The following UHRF2 variants were observed in gnomAD, a reference collection of about 807,000 sequenced individuals.
The protein encoded by UHRF2 is ubiquitin like with PHD and ring finger domains 2, also known as E3 ubiquitin-protein ligase UHRF2.
A neutral mutation model predicts 96.8 loss-of-function variants in UHRF2; 23 were observed. The observed-to-expected ratio is 0.24, with a 90% CI of 0.17 to 0.34. The LOEUF (loss-of-function observed/expected upper bound fraction) is 0.34. Among genes scored for constraint, UHRF2 ranks in the 10% least tolerant of loss-of-function variants. UHRF2 has a pLI of 1.00. For synonymous variants in UHRF2, 385 were observed against 332.6 expected (o/e 1.16, Z -1.72); for missense variants, 685 against 981.5 (o/e 0.70, Z 4.04).
intron 14 of UHRF2, among the ~76,000 whole-genome samples, chr9:6,502,372 TCATATCCTTTA>T (rs1816339607): frequency 6.6e-6 from 1 of 152,202 alleles, no homozygotes; most frequent in Non-Finnish European, 1.5e-5. Context: ...TCTCACTCTT[TCATATCCTTTA>T]AGTCTGTATA....
intron 3 of UHRF2, among the ~76,000 whole-genome samples, chr9:6,447,070 T>C (rs934204125): frequency 4.6e-5 from 7 of 151,920 alleles, no homozygotes; most frequent in African/African-American, 1.7e-4. Context: ...TTTGTATTTT[T>C]AGTAGAGATG....
chr9:6,457,290 A>G (rs1822242003), intron 3 of UHRF2, among the ~76,000 whole-genome samples: 1 of 152,170 alleles, frequency 6.6e-6, no homozygotes, highest in Non-Finnish European at 1.5e-5. Context: ...GAGTTCACTC[A>G]TGATTTGGCT....
At chr9:6,420,591 G>A (rs557926015) in intron 1 of UHRF2, among the ~76,000 whole-genome samples, 83 of 151,804 alleles carry the variant, frequency 5.5e-4, no homozygotes, top group Non-Finnish European at 1.6e-4. Flanking sequence ...TGTAGTCCCA[G>A]CTACTTCAGG....
At chr9:6,497,023 T>G (rs1825012810) in intron 10 of UHRF2, 175 bp from the exon 11 acceptor site, 3 of 618,640 alleles carry the variant, frequency 4.8e-6, no homozygotes, top group Non-Finnish European at 7.8e-6. Context: ...GAAAACTGAT[T>G]TGTCTTCTCT....
intron 2 of UHRF2, among the ~76,000 whole-genome samples, chr9:6,432,863 CAG>C (rs1290854849): frequency 7.3e-5 from 11 of 150,224 alleles, no homozygotes; most frequent in African/African-American, 2.7e-4. Flanking sequence ...CTTTTTGAGA[CAG>C]AGTCTTGCTG....
chr9:6,487,962 C>T (rs188284041), intron 9 of UHRF2, among the ~76,000 whole-genome samples: 4 of 151,914 alleles, frequency 2.6e-5, no homozygotes, highest in East Asian at 3.9e-4. Flanking sequence ...TACAGAGGGC[C>T]GAATCCAGTG....
intron 3 of UHRF2, among the ~76,000 whole-genome samples, chr9:6,439,774 C>T (rs1471052483): frequency 1.3e-5 from 2 of 152,136 alleles, no homozygotes; most frequent in Non-Finnish European, 2.9e-5. Flanking sequence ...TGGGCACATA[C>T]AACTTGGCTG....
intron 3 of UHRF2, among the ~76,000 whole-genome samples, chr9:6,442,904 G>A (rs1338304518): frequency 6.6e-6 from 1 of 152,098 alleles, no homozygotes; most frequent in East Asian, 1.9e-4. Flanking sequence ...TGTACTGTCG[G>A]TCAGTCTTAC....
chr9:6,475,848 T>G (rs968765353), intron 5 of UHRF2, among the ~76,000 whole-genome samples: 3 of 152,206 alleles, frequency 2.0e-5, no homozygotes, highest in African/African-American at 7.2e-5. Flanking sequence ...GGGATATTCA[T>G]CACCTCAAAC....
In UHRF2 at chr9:6,458,062, G is replaced by A. The variant is rs952120283; in HGVS notation, c.645-2511G>A. 1.4e-4 allele frequency among the ~76,000 whole-genome samples: 22 copies of A among 152,242 alleles called. No individual in the cohort carries two copies. The Middle Eastern group carries it at 0.017, about 118-fold the overall frequency. ...GGAGTCCCTCTTTTCCTGTTGTTTG[G>A]AATAGTTTCAGAAGAAATGGTACCC... On this transcript the variant is annotated intron_variant, in intron 3 of 15. Coordinates refer to ENST00000276893, the MANE Select transcript of UHRF2 (RefSeq NM_152896.3).
chr9:6,460,928 T>G, intron 4 of UHRF2, 137 bp downstream of exon 4: 1 of 653,310 alleles, frequency 1.5e-6, no homozygotes, highest in South Asian at 3.1e-5. Flanking sequence ...AAGGAGAATA[T>G]TTTTATAAAT....
Position 6,501,422 on chromosome 9 carries a change from A to G in UHRF2, c.2163+713A>G, listed in dbSNP as rs373432490. Among the ~76,000 whole-genome samples the G allele has an allele frequency of 5.9e-5, 9 of 152,246 alleles. No homozygotes were observed. In the East Asian group the frequency reaches 1.2e-3, roughly 20 times the overall value. On this transcript the variant is annotated intron_variant, in intron 14 of 15. Transcript: ENST00000276893. ...TACTTTTCTGTTTTCTTTCTCTCCA[A>G]AGTGTTGATGTGCCCCCATGTCTGT...
At chr9:6,484,785 CTTTTTTTTTTTTTTT>C (rs34815980) in intron 8 of UHRF2, 2 of 66,278 alleles carry the variant, frequency 3.0e-5, no homozygotes, top group Non-Finnish European at 2.7e-5. Flanking sequence ...TCACTTCTTT[CTTTTTTTTTTTTTTT>C]TTTTTTTTTT....
chr9:6,427,336 T>C (rs1199993362), intron 2 of UHRF2, among the ~76,000 whole-genome samples: 1 of 152,208 alleles, frequency 6.6e-6, no homozygotes, highest in Non-Finnish European at 1.5e-5. Flanking sequence ...AAAAGATGAA[T>C]TTTCAAATTA....
intron 2 of UHRF2, 151 bp from the exon 3 acceptor site, chr9:6,433,763 T>C (rs1232489489): frequency 4.1e-6 from 3 of 737,210 alleles, no homozygotes; most frequent in East Asian, 5.4e-5. Context: ...TCAGAAAGAA[T>C]AGTTTTGATC....
At chr9:6,505,894 C>A in intron 15 of UHRF2, 139 bp from the exon 16 acceptor site, 2 of 824,462 alleles carry the variant, frequency 2.4e-6, no homozygotes, top group Non-Finnish European at 3.7e-6. Flanking sequence ...TTCCATAGTG[C>A]AGATTCAAGC....
intron 14 of UHRF2, among the ~76,000 whole-genome samples, chr9:6,501,327 G>A (rs1028097228): frequency 2.0e-5 from 3 of 152,034 alleles, no homozygotes; most frequent in African/African-American, 7.2e-5. Flanking sequence ...CTCACTTATT[G>A]TGTCTTTAAT....
chr9:6,506,229 A>G lies in UHRF2; in HGVS notation c.*50A>G. On this transcript the variant is annotated 3_prime_UTR_variant, in exon 16 of 16. Coordinates refer to ENST00000276893, the MANE Select transcript of UHRF2 (RefSeq NM_152896.3). ...CATGGTGGCTTTTTGGACAATAAAG[A>G]ATCTAAAATGGGTGGGGAGGGTGGA... is the stretch of plus-strand genomic sequence containing the variant. The G allele has an allele frequency of 3.1e-6, 5 of 1,602,004 alleles. No individual in the cohort carries two copies. Among genetic ancestry groups the G allele is most frequent in the Non-Finnish European group, 4.3e-6 (5 of 1,172,760 alleles).
rs115861657 is a variant in UHRF2, at chr9:6,418,200, C to G, written c.154-2712C>G. Among the ~76,000 whole-genome samples the G allele has an allele frequency of 2.5e-3, 373 of 149,356 alleles. 1 individual carries two copies. The highest frequency in any genetic ancestry group is 0.021 in the Middle Eastern group (6 of 286). On this transcript the variant is annotated intron_variant, in intron 1 of 15. Coordinates refer to ENST00000276893, the MANE Select transcript of UHRF2 (RefSeq NM_152896.3). ...AATGATGGTGTGAATGCAGTGTTTG[C>G]TCCTTGAGTTTTTTGGGGTTTTTTT...
Sources: gnomAD v4.1 joint callset for allele counts (sites outside exome capture counted in the v4.1 genomes callset) on GRCh38, gnomAD v4.1.1 for gene constraint, MANE v1.5 for transcripts, NCBI Gene and HGNC (gene_info 2026-07-23, HGNC 2026-07-21) for gene names.